CDH13: variants seen among roughly 807,000 people sequenced by gnomAD.
CDH13 encodes cadherin-13.
CDH13 carries 24 observed loss-of-function variants against 63.8 expected under a neutral mutation model. The ratio of observed to expected loss-of-function variants is 0.38; its 90% CI spans 0.27 to 0.53. CDH13 has a LOEUF of 0.53. Ranked by LOEUF, CDH13 falls within the 20% of genes least tolerant of loss-of-function variation. The pLI is 0.85. For missense variants in CDH13, 1,049 were observed against 903.1 expected (o/e 1.16, Z -2.07); for synonymous variants, 503 against 355.3 (o/e 1.42, Z -4.67).
At chr16:83,444,404 C>G (rs2072602574) in intron 6 of CDH13, among the ~76,000 whole-genome samples, 1 of 152,166 alleles carries the variant, frequency 6.6e-6, no homozygotes, top group South Asian at 2.1e-4. Context: ...GAAGTTTAAA[C>G]TCGGTAAGGA....
intron 4 of CDH13, among the ~76,000 whole-genome samples, chr16:83,212,072 C>T (rs1395405923): frequency 6.6e-6 from 1 of 152,118 alleles, no homozygotes; most frequent in Non-Finnish European, 1.5e-5. Context: ...GAGGAGTGCA[C>T]TGGATTTCTT....
chr16:83,414,311 A>C (rs1350856314), intron 6 of CDH13, among the ~76,000 whole-genome samples: 1 of 152,224 alleles, frequency 6.6e-6, no homozygotes, highest in African/African-American at 2.4e-5. Context: ...CCCATTTAAA[A>C]TGTGCAATTT....
chr16:82,816,660 T>C (rs1240377818), intron 1 of CDH13, among the ~76,000 whole-genome samples: 1 of 151,814 alleles, frequency 6.6e-6, no homozygotes, highest in African/African-American at 2.4e-5. Flanking sequence ...GAGGTCATCA[T>C]GGAGTGAGGG....
chr16:83,444,472 A>AT (rs960872694), intron 6 of CDH13, among the ~76,000 whole-genome samples: 154 of 152,306 alleles, frequency 1.0e-3, no homozygotes, highest in African/African-American at 3.6e-3. Flanking sequence ...ACCTGGAAAG[A>AT]TTTTTTAAAA....
chr16:83,645,373 C>A (rs1227602247), intron 8 of CDH13, among the ~76,000 whole-genome samples: 1 of 151,988 alleles, frequency 6.6e-6, no homozygotes, highest in South Asian at 2.1e-4. Flanking sequence ...AACGTGGAAA[C>A]AATAGACAGT....
chr16:83,180,288 A>T (rs192493203), intron 4 of CDH13, among the ~76,000 whole-genome samples: 1 of 152,286 alleles, frequency 6.6e-6, no homozygotes, highest in African/African-American at 2.4e-5. Context: ...TCTTTGGAGG[A>T]AATAAATGCA....
intron 3 of CDH13, 199 bp downstream of exon 3, chr16:83,032,417 T>C (rs1916449466): frequency 3.5e-6 from 2 of 573,972 alleles, no homozygotes; most frequent in Middle Eastern, 4.6e-4. Context: ...AATTGAGGCA[T>C]AGTTCGTGGA....
At chr16:82,880,296 A>C (rs1178696086) in intron 2 of CDH13, among the ~76,000 whole-genome samples, 7 of 152,100 alleles carry the variant, frequency 4.6e-5, no homozygotes, top group Non-Finnish European at 8.8e-5. Context: ...AGCTACGTGG[A>C]TGAGGGGTCT....
chr16:82,826,913 G>A (rs771080936), intron 1 of CDH13, among the ~76,000 whole-genome samples: 4 of 152,168 alleles, frequency 2.6e-5, no homozygotes, highest in Non-Finnish European at 4.4e-5. Context: ...GACTACAGTC[G>A]ACTCTCAGGG....
chr16:83,093,346 C>A (rs994873460), intron 3 of CDH13, among the ~76,000 whole-genome samples: 2 of 57,730 alleles, frequency 3.5e-5, no homozygotes, highest in Non-Finnish European at 6.8e-5. Flanking sequence ...GTGGAGTCTT[C>A]GTCTTTTGCC....
At chr16:82,736,975 C>A (rs1239156856) in intron 1 of CDH13, among the ~76,000 whole-genome samples, 3 of 152,184 alleles carry the variant, frequency 2.0e-5, no homozygotes, top group Non-Finnish European at 2.9e-5. Context: ...TCCTTTTCTG[C>A]CTCTCTGCAT....
intron 2 of CDH13, among the ~76,000 whole-genome samples, chr16:82,886,933 A>T (rs142626319): frequency 8.5e-5 from 13 of 152,268 alleles, no homozygotes; most frequent in African/African-American, 3.1e-4. Flanking sequence ...GTAGTGGATA[A>T]CTACTCCATT....
intron 5 of CDH13, among the ~76,000 whole-genome samples, chr16:83,277,149 G>C (rs1427295474): frequency 6.6e-6 from 1 of 152,108 alleles, no homozygotes; most frequent in Non-Finnish European, 1.5e-5. Flanking sequence ...AATAAATACT[G>C]GATAGGTGGA....
chr16:83,403,891 A>G (rs2092005090), intron 6 of CDH13, among the ~76,000 whole-genome samples: 1 of 152,218 alleles, frequency 6.6e-6, no homozygotes, highest in East Asian at 1.9e-4. Context: ...AAAAGAATGC[A>G]CACTTGAAAT....
rs750820021 is a variant in CDH13, at chr16:82,675,359, T to G, written c.45+48222T>G. Among the ~76,000 whole-genome samples, 3 of 152,312 alleles carry G rather than the reference T, an allele frequency of 2.0e-5. No homozygotes were observed. The East Asian group carries it at 5.8e-4, about 29-fold the overall frequency. On this transcript the variant is annotated intron_variant, in intron 1 of 13. Transcript: ENST00000567109. The stretch of plus-strand genomic sequence containing the variant: ...ATACTTGAAACATACCAATGGGGAC[T>G]GAAGAAAATGCTTAAGTCTATAAAT...
intron 6 of CDH13, among the ~76,000 whole-genome samples, chr16:83,442,772 G>A (rs886900837): frequency 2.6e-5 from 4 of 152,232 alleles, no homozygotes; most frequent in Admixed American, 6.5e-5. Flanking sequence ...AGAAAGGCAT[G>A]GAGAAGATGT....
At chr16:82,969,722 G>A in intron 2 of CDH13, among the ~76,000 whole-genome samples, 1 of 152,046 alleles carries the variant, frequency 6.6e-6, no homozygotes, top group East Asian at 1.9e-4. Flanking sequence ...ATTACCCCTG[G>A]TTGAGGAGAA....
intron 4 of CDH13, among the ~76,000 whole-genome samples, chr16:83,188,167 A>T (rs928199492): frequency 2.6e-5 from 4 of 152,110 alleles, no homozygotes; most frequent in African/African-American, 4.8e-5. Flanking sequence ...TTTGGTGAAG[A>T]CAGATGTGAT....
chr16:82,928,225 T>A (rs553484715), intron 2 of CDH13, among the ~76,000 whole-genome samples: 22 of 152,270 alleles, frequency 1.4e-4, no homozygotes, highest in African/African-American at 5.3e-4. Context: ...TTTTGATGAC[T>A]GCATATTATT....
Sources: gnomAD v4.1 joint callset for allele counts (sites outside exome capture counted in the v4.1 genomes callset) on GRCh38, gnomAD v4.1.1 for gene constraint, MANE v1.5 for transcripts, NCBI Gene and HGNC (gene_info 2026-07-23, HGNC 2026-07-21) for gene names.